The following DNHD1 variants were observed in gnomAD, a reference collection of about 807,000 sequenced individuals.
The protein encoded by DNHD1 is dynein heavy chain domain-containing protein 1.
A neutral mutation model predicts 458.1 loss-of-function variants in DNHD1; 383 were observed. That is an observed-to-expected ratio of 0.84 (90% CI 0.77 to 0.91). The LOEUF (loss-of-function observed/expected upper bound fraction) is 0.91. Ranked by LOEUF, DNHD1 falls within the 40% of genes least tolerant of loss-of-function variation. The pLI is 0.00. For missense variants in DNHD1, 5,336 were observed against 5,866.1 expected, an observed-to-expected ratio of 0.91 and a Z score of 2.95; for synonymous variants, 2,203 against 2,376.9, an observed-to-expected ratio of 0.93 and a Z score of 2.13.
At chr11:6,516,738 A>G (rs148944478) in intron 7 of DNHD1, among the ~76,000 whole-genome samples, 2 of 152,232 alleles carry the variant, frequency 1.3e-5, no homozygotes, top group African/African-American at 4.8e-5. Context: ...TATGCCATTT[A>G]GTAGGTGCTC....
intron 7 of DNHD1, among the ~76,000 whole-genome samples, chr11:6,514,576 C>T (rs894841469): frequency 6.7e-6 from 1 of 149,722 alleles, no homozygotes; most frequent in African/African-American, 2.5e-5. Flanking sequence ...TCCCTCTCTT[C>T]CTTCCTTCCT....
chr11:6,552,453 G>A (rs1853376578), intron 24 of DNHD1, among the ~76,000 whole-genome samples: 1 of 152,136 alleles, frequency 6.6e-6, no homozygotes, highest in African/African-American at 2.4e-5. Context: ...GAACCTGGGA[G>A]GCAGAGGTTG....
Position 6,565,985 on chromosome 11 carries a change from G to T in DNHD1, c.11047G>T (p.Ala3683Ser). ...GGGTTCTCAGCTCCAGGAGGCAGCT[G>T]CTTGTGGTGAGAGCTGGTCCCCACC... is the stretch of plus-strand genomic sequence containing the variant. ...ELGSQLQEAA[A>S]CGLPVLLTNV... Residue 3683 changes from alanine to serine, a missense_variant, in exon 33 of 43, where the codon GCT becomes TCT. Coordinates refer to ENST00000254579, the MANE Select transcript of DNHD1 (RefSeq NM_144666.3). 1 of 1,551,608 alleles carries T rather than the reference G, an allele frequency of 6.4e-7. No individual in the cohort carries two copies. Among genetic ancestry groups the T allele is most frequent in the African/African-American group, 1.4e-5 (1 of 73,144 alleles).
intron 17 of DNHD1, 82 bp from the exon 18 acceptor site, chr11:6,539,794 A>C (rs1388074621): frequency 1.5e-6 from 2 of 1,328,832 alleles, no homozygotes; most frequent in African/African-American, 2.9e-5. Context: ...GTTCTGCCTC[A>C]GATCCAATCC....
intron 6 of DNHD1, among the ~76,000 whole-genome samples, chr11:6,510,554 G>A (rs1434918295): frequency 1.3e-5 from 2 of 152,048 alleles, no homozygotes; most frequent in African/African-American, 4.8e-5. Flanking sequence ...TTGGGAGACG[G>A]GACAAATCTT....
At chr11:6,500,454 G>A (rs552143847) in intron 3 of DNHD1, among the ~76,000 whole-genome samples, 1 of 152,200 alleles carries the variant, frequency 6.6e-6, no homozygotes, top group Non-Finnish European at 1.5e-5. Flanking sequence ...AAAGCCTAAT[G>A]TTAGATAGAT....
intron 6 of DNHD1, 48 bp from the exon 7 acceptor site, chr11:6,511,225 A>C: frequency 6.2e-7 from 1 of 1,600,706 alleles, no homozygotes; most frequent in Non-Finnish European, 8.5e-7. Context: ...AAGGTATCCA[A>C]GGAAGGATTG....
chr11:6,568,541 T>C lies in DNHD1; in HGVS notation c.12626T>C (p.Leu4209Pro), dbSNP rs769459066. The change falls in exon 38 of 43, where the codon CTT becomes CCT. Residue 4209 changes from leucine to proline, a missense_variant. By Grantham distance (98) the Leu-to-Pro change is moderately conservative. Coordinates refer to ENST00000254579, the MANE Select transcript of DNHD1 (RefSeq NM_144666.3). Reference sequence around the variant, plus strand: ...GTTCACAGAGATTTTCGTCTTTGGCTTATTGTGCCTGCAGAGTCTAGTGCT... The same window carrying C: ...GTTCACAGAGATTTTCGTCTTTGGCCTATTGTGCCTGCAGAGTCTAGTGCT... ...STVHRDFRLWLIVPAESSASL... is the reference protein window; with the variant it reads ...STVHRDFRLWPIVPAESSASL... The C allele has an allele frequency of 1.2e-6, 2 of 1,613,920 alleles. No homozygotes were observed. The highest frequency in any genetic ancestry group is 2.7e-5 in the African/African-American group (2 of 74,948).
At chr11:6,555,415 T>C (rs1426950531) in intron 24 of DNHD1, among the ~76,000 whole-genome samples, 1 of 152,190 alleles carries the variant, frequency 6.6e-6, no homozygotes, top group Admixed American at 6.5e-5. Context: ...AAGTTTTCTG[T>C]GTGAAGGACT....
Position 6,570,938 on chromosome 11 carries a change from A to G in DNHD1, c.13426A>G (p.Asn4476Asp), listed in dbSNP as rs377184437. Residue 4476 changes from asparagine to aspartate, a missense_variant, in exon 42 of 43, where the codon AAT becomes GAT. Physicochemically the swap from Asn to Asp is conservative, Grantham distance 23. Around this residue, in one of 4 missense-constraint regions of DNHD1, gnomAD observed 698 missense variants for 664.9 expected, o/e 1.05. Coordinates refer to ENST00000254579, the MANE Select transcript of DNHD1 (RefSeq NM_144666.3). ...CGCCCCGTGGTCAGTGCTGGGGCCA[A>G]ATGCACGGCGGCCTCTGGAGGGCGT... ...SDAPWSVLGPNARRPLEGVLE... is the reference protein window; with the variant it reads ...SDAPWSVLGPDARRPLEGVLE... 19 of 1,609,128 alleles carry G rather than the reference A, an allele frequency of 1.2e-5. No individual in the cohort carries two copies. Among genetic ancestry groups the G allele is most frequent in the Non-Finnish European group, 1.5e-5 (18 of 1,176,008 alleles).
chr11:6,558,939 C>T lies in DNHD1; in HGVS notation c.9249C>T (p.Pro3083=). 6.4e-7 allele frequency: 1 copy of T among 1,551,714 alleles called. No individual in the cohort carries two copies. Among genetic ancestry groups the T allele is most frequent in the Non-Finnish European group, 8.7e-7 (1 of 1,146,992 alleles). ...WKYPDLQASI[P]SVAKAMALIH... ...ACCCAGACCTCCAGGCCTCAATTCC[C>T]AGTGTGGCCAAAGCCATGGCTCTTA... The change falls in exon 27 of 43, where the codon CCC becomes CCT. Residue 3083 remains proline (P), a synonymous_variant. Transcript: ENST00000254579.
At chr11:6,540,104 C>T (rs1338546448) in intron 18 of DNHD1, 21 bp downstream of exon 18, 1 of 1,546,710 alleles carries the variant, frequency 6.5e-7, no homozygotes, top group Admixed American at 2.0e-5. Context: ...GACCTTGTGA[C>T]CTAGTGAAAG....
Position 6,548,918 on chromosome 11 carries a change from C to G in DNHD1, c.7372C>G (p.His2458Asp), listed in dbSNP as rs200281955. The G allele has an allele frequency of 6.4e-7, 1 of 1,551,688 alleles. No individual in the cohort carries two copies. The highest frequency in any genetic ancestry group is 8.7e-7 in the Non-Finnish European group (1 of 1,146,978). ...PSLLFLLEDL[H>D]LATSDPEKSC... ...CCTCCTCTTCTTGCTGGAGGACCTG[C>G]ACCTAGCCACTTCTGGTGAGGAGCT... Residue 2458 changes from histidine to aspartate, a missense_variant, in exon 24 of 43, where the codon CAC becomes GAC. Around this residue, in one of 4 missense-constraint regions of DNHD1, gnomAD observed 3,932 missense variants for 4,365.6 expected, o/e 0.90. Transcript: ENST00000254579. This position sits in a 1 kb window ranked among gnomAD's most constrained non-coding sequence, Gnocchi z 4.4.
At position 6,564,626 on chromosome 11, in the gene DNHD1, C is replaced by A. The variant is rs947396233; in HGVS notation, c.10578C>A (p.Asn3526Lys). The A allele has an allele frequency of 8.0e-5, 124 of 1,551,596 alleles. No homozygotes were observed. Among genetic ancestry groups the A allele is most frequent in the Non-Finnish European group, 1.0e-4 (120 of 1,146,988 alleles). Reference protein sequence around the residue: ...SESEQYQWDGNLKPQAKSAHL... With the variant: ...SESEQYQWDGKLKPQAKSAHL... ...CGGAGCAGTACCAGTGGGATGGAAA[C>A]CTGAAGCCACAGGCAAAGTCGGCCC... Residue 3526 changes from asparagine to lysine, a missense_variant, in exon 32 of 43, where the codon AAC becomes AAA. Transcript: ENST00000254579.
Position 6,564,872 on chromosome 11 carries a change from T to C in DNHD1, c.10756+68T>C, listed in dbSNP as rs1042170412. 2.3e-6 allele frequency: 3 copies of C among 1,293,896 alleles called. No individual in the cohort carries two copies. In the African/African-American group the frequency reaches 4.5e-5, roughly 19 times the overall value. 80.2% of individuals were successfully genotyped at this position (1,293,896 alleles called of 1,614,324 possible). A position where few individuals can be genotyped will look rare whatever the true frequency, so the allele number is the denominator to read the frequency against. Reference sequence around the variant, plus strand: ...CTGCCCAACACTCAGCCTCATGTGGTCTTTCCCTTCATAATGAGGACACTG... The same window carrying C: ...CTGCCCAACACTCAGCCTCATGTGGCCTTTCCCTTCATAATGAGGACACTG... On this transcript the variant is annotated intron_variant, in intron 32 of 42. Coordinates refer to ENST00000254579, the MANE Select transcript of DNHD1 (RefSeq NM_144666.3).
intron 3 of DNHD1, among the ~76,000 whole-genome samples, chr11:6,501,869 C>G (rs1284123653): frequency 2.0e-5 from 3 of 152,112 alleles, no homozygotes; most frequent in Non-Finnish European, 4.4e-5. Flanking sequence ...ATGTCCTGAT[C>G]CAACACAACA....
rs1440840645 is a variant in DNHD1 at position 6,529,065 on chromosome 11, T to C, written c.2291T>C (p.Leu764Ser). 6.4e-7 allele frequency: 1 copy of C among 1,550,798 alleles called. No homozygotes were observed. The highest frequency in any genetic ancestry group is 1.4e-5 in the African/African-American group (1 of 73,134). The part of the protein sequence containing the change: ...QARVSSMPIE[L>S]LTKGGLLLLS... ...CGTGTCTCCAGTATGCCTATCGAGT[T>C]GCTCACAAAAGGCGGGTTGCTGCTA... The change falls in exon 12 of 43, where the codon TTG (leucine) becomes TCG (serine). Residue 764 changes from leucine (L) to serine (S), a missense_variant. Leu to Ser is a moderately radical substitution (Grantham distance 145). Coordinates refer to ENST00000254579, the MANE Select transcript of DNHD1 (RefSeq NM_144666.3).
At position 6,557,505 on chromosome 11, in the gene DNHD1, A is replaced by G; in HGVS notation, c.8210A>G (p.Gln2737Arg). The change falls in exon 25 of 43, where the codon CAG becomes CGG. Residue 2737 changes from glutamine (Q) to arginine (R), a missense_variant. By Grantham distance (43) the Gln-to-Arg change is conservative. Around this residue, in one of 4 missense-constraint regions of DNHD1, gnomAD observed 3,932 missense variants for 4,365.6 expected, o/e 0.90. Coordinates refer to ENST00000254579, the MANE Select transcript of DNHD1 (RefSeq NM_144666.3). ...GAGGAAGAGGAACCTTATGGCCTTC[A>G]GGTCGCCAGAGTCTCAAACTCCAGA... ...TEEEEEPYGL[Q>R]VARVSNSRDP... The G allele has an allele frequency of 6.4e-7, 1 of 1,551,760 alleles. No individual in the cohort carries two copies. The highest frequency in any genetic ancestry group is 8.7e-7 in the Non-Finnish European group (1 of 1,147,014).
Position 6,520,262 on chromosome 11 carries a change from A to T in DNHD1, c.1810A>T (p.Thr604Ser), listed in dbSNP as rs1460427214. The change falls in exon 10 of 43, where the codon ACC (threonine) becomes TCC (serine). Residue 604 changes from threonine to serine, a missense_variant. Thr to Ser is a moderately conservative substitution (Grantham distance 58). Transcript: ENST00000254579. ...LQVVQSADLK[T>S]SSDSLYSEEE... ...GGTAGTGCAGTCTGCAGACCTGAAGACCTCCTCGGATTCCCTGTATTCTGA... is the reference window on the plus strand; with the variant it reads ...GGTAGTGCAGTCTGCAGACCTGAAGTCCTCCTCGGATTCCCTGTATTCTGA... 2 of 1,552,288 alleles carry T rather than the reference A, an allele frequency of 1.3e-6. No homozygotes were observed. Among genetic ancestry groups the T allele is most frequent in the African/African-American group, 1.4e-5 (1 of 73,084 alleles).
Sources: allele counts gnomAD v4.1 joint callset (sites outside exome capture counted in the v4.1 genomes callset), GRCh38; gene constraint gnomAD v4.1.1; regional missense constraint gnomAD v4.1.1; non-coding constraint Gnocchi (gnomAD v3.1); transcripts MANE v1.5; gene names NCBI Gene and HGNC (gene_info 2026-07-23, HGNC 2026-07-21).